The following ZNF248 variants were observed in gnomAD, a reference collection of about 807,000 sequenced individuals.
ZNF248 encodes KRAB protein domain.
ZNF248 carries 20 observed loss-of-function variants against 44.3 expected under a neutral mutation model. The observed-to-expected ratio is 0.45, with a 90% CI of 0.32 to 0.66. The LOEUF (loss-of-function observed/expected upper bound fraction) is 0.66, where lower values mean the gene tolerates loss of function less well. Ranked by LOEUF, ZNF248 falls within the 30% of genes least tolerant of loss-of-function variation. The probability of loss-of-function intolerance (pLI) is 0.04; values close to 1 mark genes in which losing one functional copy is unlikely to be tolerated. For synonymous variants in ZNF248, 224 were observed against 229.0 expected, an observed-to-expected ratio of 0.98 and a Z score of 0.20; for missense variants, 654 against 677.0, an observed-to-expected ratio of 0.97 and a Z score of 0.38.
At chr10:37,820,902 C>G in intron 6 of ZNF248, 4 of 1,464,576 alleles carry the variant, frequency 2.7e-6, no homozygotes, top group South Asian at 1.1e-5. Flanking sequence ...TCTAGTTTTC[C>G]TTACTAATAC....
At chr10:37,813,082 T>C (rs2051814387) in intron 6 of ZNF248, among the ~76,000 whole-genome samples, 1 of 150,410 alleles carries the variant, frequency 6.6e-6, no homozygotes, top group South Asian at 2.1e-4. Flanking sequence ...TACATGGATC[T>C]TGGAGAAATT....
At chr10:37,843,423 C>CAAAAAAAA (rs530114229) in intron 3 of ZNF248, among the ~76,000 whole-genome samples, 13 of 69,284 alleles carry the variant, frequency 1.9e-4, no homozygotes, top group Non-Finnish European at 2.0e-4. Context: ...GACTCTGCCT[C>CAAAAAAAA]AAAAAAAAAA....
rs755107255 is a variant in ZNF248, at chr10:37,832,259, G to A, written c.1096C>T (p.His366Tyr). The change falls in exon 6 of 6, where the codon CAT (histidine) becomes TAT (tyrosine). Residue 366 changes from histidine to tyrosine, a missense_variant. By Grantham distance (83) the His-to-Tyr change is moderately conservative. Coordinates refer to ENST00000395867, the MANE Select transcript of ZNF248 (RefSeq NM_021045.3). ...TGAGCTCTCCGAAGCTGGGTAAGAT[G>A]TGACTTCTTGCTGAAATTACTCCCA... The part of the protein sequence containing the change: ...ENGSNFSKKS[H>Y]LTQLRRAHTG... 2.5e-6 allele frequency: 4 copies of A among 1,614,026 alleles called. No homozygotes were observed. The highest frequency in any genetic ancestry group is 4.5e-5 in the East Asian group (2 of 44,874).
intron 6 of ZNF248, among the ~76,000 whole-genome samples, chr10:37,790,097 T>C (rs1314086873): frequency 1.4e-4 from 19 of 131,768 alleles, no homozygotes; most frequent in South Asian, 2.4e-4. Flanking sequence ...CCGTCTCTAC[T>C]GAAAATACAA....
chr10:37,820,492 A>T (rs1212252598), intron 6 of ZNF248: 4 of 1,599,432 alleles, frequency 2.5e-6, no homozygotes, highest in Non-Finnish European at 3.4e-6. Context: ...ACAGTAAGGG[A>T]TTGGATAAGG....
chr10:37,768,683 T>C, the ZNF248 span, among the ~76,000 whole-genome samples: 13 of 152,204 alleles, frequency 8.5e-5, no homozygotes, highest in African/African-American at 2.9e-4. Flanking sequence ...AGATCCAAAA[T>C]TGACACCCTA....
At chr10:37,775,910 T>G (rs1171383908), downstream of ZNF248, among the ~76,000 whole-genome samples, 1 of 152,208 alleles carries the variant, frequency 6.6e-6, no homozygotes, top group Non-Finnish European at 1.5e-5. Context: ...TGTTATAAGA[T>G]GGATGGGTGT....
intron 6 of ZNF248, among the ~76,000 whole-genome samples, chr10:37,817,616 T>C (rs1469236703): frequency 2.0e-5 from 3 of 152,096 alleles, no homozygotes; most frequent in Non-Finnish European, 4.4e-5. Context: ...GGAATGAACA[T>C]TGCCACGTAC....
intron 6 of ZNF248, among the ~76,000 whole-genome samples, chr10:37,790,171 T>C (rs1370437743): frequency 6.7e-6 from 1 of 148,696 alleles, no homozygotes; most frequent in Non-Finnish European, 1.5e-5. Context: ...CTCGGCAGGC[T>C]GAGGCAGGAG....
At chr10:37,822,671 T>C (rs1052618440) in intron 6 of ZNF248, among the ~76,000 whole-genome samples, 14 of 152,180 alleles carry the variant, frequency 9.2e-5, no homozygotes, top group African/African-American at 3.4e-4. Context: ...CAATCTTTTG[T>C]CTTCCGTGGG....
chr10:37,846,797 A>C (rs1445586710), intron 3 of ZNF248, among the ~76,000 whole-genome samples: 1 of 152,256 alleles, frequency 6.6e-6, no homozygotes. Context: ...GGGATCACAG[A>C]AACACGTTAA....
chr10:37,830,441 G>T lies in ZNF248; in HGVS notation c.*1174C>A, dbSNP rs2133854946. 2 of 985,334 alleles carry T rather than the reference G, an allele frequency of 2.0e-6. No homozygotes were observed. The highest frequency in any genetic ancestry group is 2.4e-6 in the Non-Finnish European group (2 of 829,920). The allele number at this position is 985,334 out of a possible 1,614,324, so 61.0% of individuals were successfully genotyped here. A position where few individuals can be genotyped will look rare whatever the true frequency, so the allele number is the denominator to read the frequency against. On this transcript the variant is annotated 3_prime_UTR_variant, in exon 6 of 6. Transcript: ENST00000395867. ...CTGGCCAACCTACAAAGAGACTCCG[G>T]TAGTATTTAGAGTAGGACAGATTCA...
At chr10:37,791,707 T>G (rs1267642203) in intron 6 of ZNF248, 1 of 152,288 alleles carries the variant, frequency 6.6e-6, no homozygotes, top group East Asian at 1.9e-4. Flanking sequence ...ACCTTATAAA[T>G]GCAATAAACA....
At chr10:37,780,676 A>T (rs192999634) in intron 6 of ZNF248, among the ~76,000 whole-genome samples, 296 of 152,284 alleles carry the variant, frequency 1.9e-3, no homozygotes, top group African/African-American at 6.8e-3. Context: ...TTCCAGGGCC[A>T]AGGCGCGCAC....
At chr10:37,819,893 T>A in intron 6 of ZNF248, 1 of 776,254 alleles carries the variant, frequency 1.3e-6, no homozygotes, top group Non-Finnish European at 2.4e-6. Flanking sequence ...TTGATAAGAT[T>A]CTGAAAAGCA....
the ZNF248 span, among the ~76,000 whole-genome samples, chr10:37,770,830 C>T: frequency 3.9e-5 from 6 of 151,902 alleles, no homozygotes; most frequent in Non-Finnish European, 7.4e-5. Context: ...TCAGAGTGAA[C>T]AGGCAACCTA....
chr10:37,819,100 T>G (rs900626744), intron 6 of ZNF248: 6 of 784,600 alleles, frequency 7.6e-6, no homozygotes, highest in Non-Finnish European at 1.4e-5. Context: ...TTTTTCTCTC[T>G]CCACACACTG....
At chr10:37,819,857 T>C (rs2133596565) in intron 6 of ZNF248, 1 of 785,792 alleles carries the variant, frequency 1.3e-6, no homozygotes, top group East Asian at 2.4e-5. Context: ...ATCTCTTCCC[T>C]CTGTGAATTT....
At chr10:37,820,182 T>C (rs1373305700) in intron 6 of ZNF248, 4 of 1,229,818 alleles carry the variant, frequency 3.3e-6, no homozygotes, top group Non-Finnish European at 4.8e-6. Context: ...CTTACTGTTT[T>C]CTAGTGCAGA....
Sources: allele counts gnomAD v4.1 joint callset (sites outside exome capture counted in the v4.1 genomes callset), GRCh38; gene constraint gnomAD v4.1.1; transcripts MANE v1.5; gene names NCBI Gene and HGNC (gene_info 2026-07-23, HGNC 2026-07-21).